Variants in DGLUCY observed in about 807,000 individuals in gnomAD.
DGLUCY encodes D-glutamate cyclase, also known as D-glutamate cyclase, mitochondrial.
DGLUCY carries 58 observed loss-of-function variants against 58.5 expected under a neutral mutation model. That is an observed-to-expected ratio of 0.99 (90% CI 0.80 to 1.23). DGLUCY has a LOEUF of 1.23. Ranked by LOEUF, DGLUCY falls within the 50% of genes most tolerant of loss-of-function variation. The pLI is 0.00. For synonymous variants in DGLUCY, 325 were observed against 314.1 expected (o/e 1.03, Z -0.37); for missense variants, 779 against 784.7 (o/e 0.99, Z 0.09).
intron 1 of DGLUCY, among the ~76,000 whole-genome samples, chr14:91,082,917 T>G (rs1414621518): frequency 1.3e-5 from 2 of 152,064 alleles, no homozygotes; most frequent in Non-Finnish European, 2.9e-5. Context: ...CTATGCTTGG[T>G]TGATTTGTAA....
chr14:91,171,816 G>A (rs1227940943), intron 5 of DGLUCY, among the ~76,000 whole-genome samples: 1 of 152,198 alleles, frequency 6.6e-6, no homozygotes, highest in Non-Finnish European at 1.5e-5. Flanking sequence ...TAAGGCAGGA[G>A]GCACCAGGCC....
intron 1 of DGLUCY, among the ~76,000 whole-genome samples, chr14:91,118,021 A>G (rs1271295676): frequency 6.7e-6 from 1 of 148,926 alleles, no homozygotes; most frequent in Non-Finnish European, 1.5e-5. Context: ...CTTGTTATGT[A>G]GATGAAGCTT....
At chr14:91,221,408 G>A (rs953760486) in intron 13 of DGLUCY, among the ~76,000 whole-genome samples, 2 of 152,136 alleles carry the variant, frequency 1.3e-5, no homozygotes, top group African/African-American at 4.8e-5. Context: ...TGGATGGAGG[G>A]ATGGATGGAT....
chr14:91,196,015 C>G (rs7147009), intron 9 of DGLUCY, among the ~76,000 whole-genome samples: 151,540 of 152,282 alleles, frequency 1, 75,408 homozygotes, highest in Non-Finnish European at 1. Context: ...AATTAAATCA[C>G]AGTGGCTGGC....
rs547009687 is a variant in DGLUCY, at chr14:91,179,199, T to G, written c.731-1987T>G. Among the ~76,000 whole-genome samples the G allele has an allele frequency of 1.1e-4, 16 of 152,318 alleles. No individual in the cohort carries two copies. The South Asian group carries it at 2.9e-3, about 28-fold the overall frequency. On this transcript the variant is annotated intron_variant, in intron 7 of 13. Transcript: ENST00000256324. ...CTGAGTAGAGATGAATACTCAAAGA[T>G]AGTAATGACACTGAGGAAGGCAGAA...
exon 1 of DGLUCY, chr14:91,060,572 C>G: frequency 9.1e-7 from 1 of 1,099,818 alleles, no homozygotes; most frequent in Non-Finnish European, 1.2e-6. Flanking sequence ...AAAGACGAGT[C>G]TCTTTCCCGC....
Position 91,091,795 on chromosome 14 carries a change from G to A in DGLUCY, c.-82+31091G>A, listed in dbSNP as rs915009894. On this transcript the variant is annotated intron_variant, in intron 1 of 4. Transcript: ENST00000521334. ...TGGAGTCCCTTTAATGACTGTATCC[G>A]GGAATGAACATACCCAAGTCCCCTG... Among the ~76,000 whole-genome samples the A allele has an allele frequency of 2.6e-5, 4 of 152,064 alleles. 1 individual carries two copies. The highest frequency in any genetic ancestry group is 2.0e-4 in the Admixed American group (3 of 15,260).
At chr14:91,183,103 C>T (rs1416506667) in intron 8 of DGLUCY, among the ~76,000 whole-genome samples, 19 of 151,892 alleles carry the variant, frequency 1.3e-4, no homozygotes, top group African/African-American at 4.4e-4. Flanking sequence ...GCAATCCTCC[C>T]ACCTCAGCCT....
upstream of DGLUCY, among the ~76,000 whole-genome samples, chr14:91,105,597 T>C (rs960044177): frequency 2.0e-5 from 3 of 152,188 alleles, no homozygotes; most frequent in African/African-American, 7.2e-5. Context: ...CAGGCAGCTA[T>C]AATAGGTGCC....
intron 1 of DGLUCY, among the ~76,000 whole-genome samples, chr14:91,086,189 G>A (rs1483294145): frequency 6.6e-6 from 1 of 152,180 alleles, no homozygotes; most frequent in African/African-American, 2.4e-5. Context: ...TTGCAGGAAA[G>A]CAAGGTCAGG....
intron 4 of DGLUCY, chr14:91,167,643 A>G (rs2048357045): frequency 1.4e-6 from 1 of 706,038 alleles, no homozygotes; most frequent in Non-Finnish European, 2.6e-6. Flanking sequence ...TGGCTCTGCC[A>G]TCTGTCCACT....
Position 91,189,130 on chromosome 14 carries a change from G to C in DGLUCY, c.1155G>C (p.Trp385Cys). 1 of 1,614,226 alleles carries C rather than the reference G, an allele frequency of 6.2e-7. No individual in the cohort carries two copies. Among genetic ancestry groups the C allele is most frequent in the Non-Finnish European group, 8.5e-7 (1 of 1,180,044 alleles). ...EVAIIVDQRA[W>C]NLHQKIVEDA... ...CCATAATCGTTGACCAGAGAGCCTG[G>C]AACTTGCACCAGAAGATTGTTGAAG... Residue 385 changes from tryptophan to cysteine, a missense_variant, in exon 9 of 14, where the codon TGG becomes TGC. Coordinates refer to ENST00000256324, the MANE Select transcript of DGLUCY (RefSeq NM_001102368.3).
chr14:91,118,846 G>T (rs927022001), intron 1 of DGLUCY, among the ~76,000 whole-genome samples: 2 of 152,098 alleles, frequency 1.3e-5, no homozygotes, highest in African/African-American at 2.4e-5. Context: ...GGCCAGGCAC[G>T]GTGGCTCATG....
intron 12 of DGLUCY, among the ~76,000 whole-genome samples, chr14:91,205,700 G>A (rs540192418): frequency 1.5e-4 from 22 of 151,310 alleles, no homozygotes; most frequent in African/African-American, 4.6e-4. Context: ...AAATCCCCTC[G>A]TGCTTGCATC....
At chr14:91,080,915 A>G (rs1421634840) in intron 1 of DGLUCY, among the ~76,000 whole-genome samples, 1 of 151,872 alleles carries the variant, frequency 6.6e-6, no homozygotes, top group Non-Finnish European at 1.5e-5. Flanking sequence ...ATTCAAAAGC[A>G]TGTATTGGCC....
At chr14:91,198,288 C>T (rs2050339833) in intron 10 of DGLUCY, among the ~76,000 whole-genome samples, 1 of 151,624 alleles carries the variant, frequency 6.6e-6, no homozygotes, top group Admixed American at 6.6e-5. Context: ...AGGTGATCCA[C>T]CTGCCTCAGC....
chr14:91,102,736 AGTGTGTATGTGTGTGTGTGTGTGT>A, intron 1 of DGLUCY, among the ~76,000 whole-genome samples: 1 of 60,810 alleles, frequency 1.6e-5, no homozygotes. Flanking sequence ...GACCCCTTCC[AGTGTGTATGTGTGTGTGTGTGTGT>A]GTGTGTGTGT....
chr14:91,156,380 C>T (rs1201192599), intron 1 of DGLUCY, among the ~76,000 whole-genome samples: 1 of 152,252 alleles, frequency 6.6e-6, no homozygotes. Flanking sequence ...TCCCGAAGTG[C>T]CGGGATTACA....
intron 2 of DGLUCY, among the ~76,000 whole-genome samples, chr14:91,159,821 G>A (rs1403865135): frequency 6.6e-6 from 1 of 152,206 alleles, no homozygotes; most frequent in Non-Finnish European, 1.5e-5. Flanking sequence ...TTGGGCACGT[G>A]CTATGTGCAT....
Sources: gnomAD v4.1 joint callset for allele counts (sites outside exome capture counted in the v4.1 genomes callset) on GRCh38, gnomAD v4.1.1 for gene constraint, MANE v1.5 for transcripts, NCBI Gene and HGNC (gene_info 2026-07-23, HGNC 2026-07-21) for gene names.